Variants in TENM2 observed in about 807,000 individuals in gnomAD.
TENM2 encodes the protein teneurin-2.
A neutral mutation model predicts 245.2 loss-of-function variants in TENM2; 52 were observed. The observed-to-expected ratio is 0.21, with a 90% CI of 0.17 to 0.27. TENM2 has a LOEUF of 0.27. TENM2 is among the 10% of genes least tolerant of loss of function. The pLI is 1.00. For missense variants in TENM2, 3,046 were observed against 3,666.8 expected, an observed-to-expected ratio of 0.83 and a Z score of 4.37; for synonymous variants, 1,363 against 1,438.9, an observed-to-expected ratio of 0.95 and a Z score of 1.19.
At chr5:167,403,979 C>T (rs939161820) in intron 2 of TENM2, among the ~76,000 whole-genome samples, 16 of 151,274 alleles carry the variant, frequency 1.1e-4, no homozygotes, top group African/African-American at 3.4e-4. Context: ...TACACAAGAA[C>T]GGCTGCATGT....
the TENM2 span, among the ~76,000 whole-genome samples, chr5:167,046,798 A>G: frequency 1.3e-5 from 2 of 152,096 alleles, no homozygotes; most frequent in African/African-American, 4.8e-5. Flanking sequence ...TCAACCCATC[A>G]TCTAGGTTTT....
intron 2 of TENM2, among the ~76,000 whole-genome samples, chr5:167,614,921 C>T (rs1196066384): frequency 1.3e-5 from 2 of 152,022 alleles, no homozygotes; most frequent in Non-Finnish European, 2.9e-5. Context: ...GGTGATCTCC[C>T]CTATCTGTGC....
chr5:167,755,186 T>C (rs759026107), intron 2 of TENM2: 1 of 1,597,992 alleles, frequency 6.3e-7, no homozygotes, highest in Admixed American at 1.7e-5. Flanking sequence ...TGTGATGGAG[T>C]CTCTGGGTAA....
In TENM2 at chr5:168,023,984, G is replaced by T. The variant is rs79850842; in HGVS notation, c.1187-23443G>T. On this transcript the variant is annotated intron_variant, in intron 5 of 28. Transcript: ENST00000518659. ...TATATATAAGATGTATACATATATA[G>T]AGAGAGATATTTATACACATATATA... 2.5e-4 allele frequency among the ~76,000 whole-genome samples: 38 copies of T among 151,590 alleles called. No individual in the cohort carries two copies. In the East Asian group the frequency reaches 3.9e-3, roughly 15 times the overall value.
chr5:167,540,063 T>C lies in TENM2; in HGVS notation c.502+164590T>C, dbSNP rs575758669. Among the ~76,000 whole-genome samples the C allele has an allele frequency of 2.1e-3, 323 of 152,318 alleles. 1 individual carries two copies. Among genetic ancestry groups the C allele is most frequent in the Non-Finnish European group, 3.6e-3 (245 of 68,020 alleles). The stretch of plus-strand genomic sequence containing the variant: ...GTTAAGGTACAGTAACTTTAAGTGA[T>C]ACAACTTTTATTTTTCTTCGAAAAA... On this transcript the variant is annotated intron_variant, in intron 2 of 28. Transcript: ENST00000518659.
the TENM2 span, among the ~76,000 whole-genome samples, chr5:167,118,199 T>G: frequency 6.6e-6 from 1 of 152,204 alleles, no homozygotes. Flanking sequence ...AAGAAAGCCC[T>G]TTCTATATTA....
chr5:167,927,490 G>A (rs993727848), intron 3 of TENM2, among the ~76,000 whole-genome samples: 5 of 152,158 alleles, frequency 3.3e-5, no homozygotes, highest in Admixed American at 6.5e-5. Context: ...CACCAACGGG[G>A]CTTATGTCAC....
intron 2 of TENM2, among the ~76,000 whole-genome samples, chr5:167,703,817 A>G (rs1479889820): frequency 9.2e-5 from 14 of 152,194 alleles, no homozygotes. Context: ...GTTTTCTGCT[A>G]GGCTGATAGA....
chr5:167,760,528 A>G (rs1186589349), intron 2 of TENM2, among the ~76,000 whole-genome samples: 2 of 152,108 alleles, frequency 1.3e-5, no homozygotes, highest in South Asian at 2.1e-4. Flanking sequence ...TAGAATTTTT[A>G]TTGTTGGCCT....
At chr5:167,341,175 G>A (rs1288672535) in intron 1 of TENM2, among the ~76,000 whole-genome samples, 5 of 152,206 alleles carry the variant, frequency 3.3e-5, no homozygotes, top group Non-Finnish European at 7.3e-5. Context: ...TCAAAAACAG[G>A]TCATGGCAGG....
intron 8 of TENM2, among the ~76,000 whole-genome samples, chr5:168,097,047 C>G (rs1793427778): frequency 6.6e-6 from 1 of 152,156 alleles, no homozygotes; most frequent in South Asian, 2.1e-4. Context: ...TGAAAAATAA[C>G]ATCCTTAAAA....
intron 2 of TENM2, among the ~76,000 whole-genome samples, chr5:167,692,539 A>G (rs1252692027): frequency 6.6e-6 from 1 of 152,208 alleles, no homozygotes; most frequent in African/African-American, 2.4e-5. Context: ...GAACTTTATT[A>G]TCAGCATCAC....
intron 2 of TENM2, among the ~76,000 whole-genome samples, chr5:167,575,784 G>A (rs1774625588): frequency 2.0e-5 from 3 of 152,208 alleles, no homozygotes; most frequent in Admixed American, 2.0e-4. Context: ...CGTGCTGGTG[G>A]TAGCATAGTG....
intron 2 of TENM2, among the ~76,000 whole-genome samples, chr5:167,861,067 AAG>A (rs1771755876): frequency 2.0e-5 from 3 of 150,864 alleles, no homozygotes; most frequent in African/African-American, 7.3e-5. Flanking sequence ...AAAAAAAAAA[AAG>A]AAAACAACGT....
At chr5:167,858,882 T>G (rs1176126437) in intron 2 of TENM2, among the ~76,000 whole-genome samples, 4 of 132,398 alleles carry the variant, frequency 3.0e-5, no homozygotes, top group Non-Finnish European at 6.6e-5. Context: ...AGCAGCTGCC[T>G]GCCTTGGCCT....
At chr5:167,664,442 G>A (rs1755440938) in intron 2 of TENM2, among the ~76,000 whole-genome samples, 1 of 152,106 alleles carries the variant, frequency 6.6e-6, no homozygotes, top group Admixed American at 6.6e-5. Flanking sequence ...GGAAAGTGAG[G>A]CTCAGAGTTC....
At chr5:167,398,357 CTTT>C (rs1762173578) in intron 2 of TENM2, among the ~76,000 whole-genome samples, 2 of 150,458 alleles carry the variant, frequency 1.3e-5, no homozygotes, top group Non-Finnish European at 3.0e-5. Flanking sequence ...TTCCTTCTTT[CTTT>C]CTTTCCTTTC....
intron 3 of TENM2, among the ~76,000 whole-genome samples, chr5:167,885,198 G>C (rs1049698706): frequency 5.3e-5 from 8 of 152,052 alleles, no homozygotes; most frequent in African/African-American, 1.9e-4. Context: ...TATTGCATAG[G>C]TTGTCTTTTC....
chr5:167,687,708 TA>T (rs1757166483), intron 2 of TENM2, among the ~76,000 whole-genome samples: 2 of 152,208 alleles, frequency 1.3e-5, no homozygotes, highest in African/African-American at 4.8e-5. Flanking sequence ...ACACTATTTA[TA>T]GTAGCAGAAT....
Sources: gnomAD v4.1 joint callset for allele counts (sites outside exome capture counted in the v4.1 genomes callset) on GRCh38, gnomAD v4.1.1 for gene constraint, MANE v1.5 for transcripts, NCBI Gene and HGNC (gene_info 2026-07-23, HGNC 2026-07-21) for gene names.